Variants in BRINP1 observed in about 807,000 individuals in gnomAD.
BRINP1 encodes the protein BMP/retinoic acid-inducible neural-specific protein 1.
A neutral mutation model predicts 72.9 loss-of-function variants in BRINP1; 17 were observed. That is an observed-to-expected ratio of 0.23 (90% CI 0.16 to 0.35). The LOEUF (loss-of-function observed/expected upper bound fraction) is 0.35, where lower values mean the gene tolerates loss of function less well. Among genes scored for constraint, BRINP1 ranks in the 10% least tolerant of loss-of-function variants. The pLI, the probability that BRINP1 is intolerant of heterozygous loss-of-function variation, is 1.00. For synonymous variants in BRINP1, 418 were observed against 378.5 expected, an observed-to-expected ratio of 1.10 and a Z score of -1.21; for missense variants, 850 against 1,001.6, an observed-to-expected ratio of 0.85 and a Z score of 2.04.
At chr9:119,337,657 C>G (rs971268079) in intron 1 of BRINP1, among the ~76,000 whole-genome samples, 2 of 152,228 alleles carry the variant, frequency 1.3e-5, no homozygotes, top group Non-Finnish European at 2.9e-5. Flanking sequence ...AGAATTGAAC[C>G]TGTGACCACA....
chr9:119,337,015 A>G (rs978722061), intron 1 of BRINP1, among the ~76,000 whole-genome samples: 3 of 152,126 alleles, frequency 2.0e-5, no homozygotes, highest in Non-Finnish European at 4.4e-5. Flanking sequence ...CCTCTTCTCC[A>G]TCTCGATGGT....
chr9:119,176,482 T>A (rs578131178), intron 7 of BRINP1, among the ~76,000 whole-genome samples: 1 of 152,164 alleles, frequency 6.6e-6, no homozygotes, highest in Non-Finnish European at 1.5e-5. Context: ...GAGCCTAATG[T>A]TGAAAAGTAT....
intron 2 of BRINP1, among the ~76,000 whole-genome samples, chr9:119,308,820 T>C (rs1357047235): frequency 6.6e-6 from 1 of 152,160 alleles, no homozygotes; most frequent in African/African-American, 2.4e-5. Context: ...CCACTCAATA[T>C]GGAACCGCCT....
At chr9:119,176,497 G>A (rs1165241023) in intron 7 of BRINP1, among the ~76,000 whole-genome samples, 1 of 152,198 alleles carries the variant, frequency 6.6e-6, no homozygotes, top group South Asian at 2.1e-4. Flanking sequence ...AAGTATGGTT[G>A]TTGGCCCAAG....
intron 1 of BRINP1, among the ~76,000 whole-genome samples, chr9:119,333,822 A>G (rs1316963589): frequency 2.0e-5 from 3 of 152,206 alleles, no homozygotes; most frequent in Non-Finnish European, 4.4e-5. Flanking sequence ...AAGAAAAAAA[A>G]TATATATTGC....
chr9:119,289,997 T>C (rs571336315), intron 2 of BRINP1, among the ~76,000 whole-genome samples: 30 of 152,340 alleles, frequency 2.0e-4, no homozygotes, highest in South Asian at 1.2e-3. Context: ...GCAGTGATCC[T>C]TCAATAATTA....
intron 2 of BRINP1, among the ~76,000 whole-genome samples, chr9:119,280,248 T>TG (rs1830696219): frequency 6.6e-6 from 1 of 150,722 alleles, no homozygotes. Flanking sequence ...TTTTTTTTCT[T>TG]TTTTTTTTAA....
At chr9:119,221,033 C>G (rs1197870649) in intron 5 of BRINP1, among the ~76,000 whole-genome samples, 1 of 152,118 alleles carries the variant, frequency 6.6e-6, no homozygotes, top group Non-Finnish European at 1.5e-5. Flanking sequence ...TTGCTCTTTT[C>G]TGACCTATTT....
chr9:119,331,086 T>C (rs529218852), intron 1 of BRINP1, among the ~76,000 whole-genome samples: 32 of 152,308 alleles, frequency 2.1e-4, no homozygotes, highest in Non-Finnish European at 4.3e-4. Flanking sequence ...TGGAGTTCTA[T>C]TGCTTTCCCA....
chr9:119,292,087 G>C (rs1470515496), intron 2 of BRINP1, among the ~76,000 whole-genome samples: 1 of 152,208 alleles, frequency 6.6e-6, no homozygotes, highest in African/African-American at 2.4e-5. Context: ...CAGCATGTAA[G>C]AGCTAGAAAG....
intron 1 of BRINP1, among the ~76,000 whole-genome samples, chr9:119,322,807 AC>A (rs1417586634): frequency 6.6e-6 from 1 of 151,886 alleles, no homozygotes; most frequent in Non-Finnish European, 1.5e-5. Flanking sequence ...CATGTTATTA[AC>A]CCCCTCTGTG....
intron 5 of BRINP1, among the ~76,000 whole-genome samples, chr9:119,215,470 G>GGTAATGGTTCTACTACTCACTGT: frequency 6.6e-6 from 1 of 152,114 alleles, no homozygotes; most frequent in South Asian, 2.1e-4. Flanking sequence ...TCCAATATGA[G>GGTAATGGTTCTACTACTCACTGT]GTAATGGTTC....
intron 7 of BRINP1, among the ~76,000 whole-genome samples, chr9:119,183,555 G>C (rs1425032231): frequency 3.3e-5 from 5 of 152,156 alleles, no homozygotes; most frequent in Non-Finnish European, 7.3e-5. Flanking sequence ...GGTCATACGT[G>C]TGAATTCACT....
chr9:119,214,055 G>A lies in BRINP1; in HGVS notation c.786C>T (p.Asn262=). The stretch of plus-strand genomic sequence containing the variant: ...CGGCACATTGGCAGCGACACTGGCT[G>A]TTCTGGCACAGGTACTCCCCCTCCC... ...CNGEGEYLCQ[N]SQCRCQCAEE... The change falls in exon 6 of 8, where the codon AAC becomes AAT. Residue 262 remains asparagine, a synonymous_variant. Transcript: ENST00000265922. 1 of 1,614,156 alleles carries A rather than the reference G, an allele frequency of 6.2e-7. No individual in the cohort carries two copies. Among genetic ancestry groups the A allele is most frequent in the Non-Finnish European group, 8.5e-7 (1 of 1,180,024 alleles).
chr9:119,339,363 G>C (rs1831385413), intron 1 of BRINP1, among the ~76,000 whole-genome samples: 1 of 138,730 alleles, frequency 7.2e-6, no homozygotes, highest in African/African-American at 2.4e-5. Flanking sequence ...TCTCCCTACA[G>C]AACTTACAAC....
At chr9:119,190,456 AT>A (rs1829672250) in intron 7 of BRINP1, among the ~76,000 whole-genome samples, 1 of 151,774 alleles carries the variant, frequency 6.6e-6, no homozygotes, top group South Asian at 2.1e-4. Flanking sequence ...AAAATCAGAA[AT>A]GAAAGTGGAG....
intron 7 of BRINP1, among the ~76,000 whole-genome samples, chr9:119,169,784 G>C (rs963265587): frequency 6.6e-6 from 1 of 152,232 alleles, no homozygotes; most frequent in East Asian, 1.9e-4. Context: ...CTGGAGATCT[G>C]AGAACGGGCA....
chr9:119,361,073 T>C (rs1394760989), intron 1 of BRINP1, among the ~76,000 whole-genome samples: 1 of 152,170 alleles, frequency 6.6e-6, no homozygotes, highest in African/African-American at 2.4e-5. Flanking sequence ...TGATATATTT[T>C]GTGTCCTCAC....
intron 4 of BRINP1, among the ~76,000 whole-genome samples, chr9:119,241,299 G>A (rs1290751200): frequency 5.3e-5 from 8 of 152,194 alleles, no homozygotes. Context: ...CGGTGCTGGT[G>A]TAGGCGAGCC....
Sources: allele counts gnomAD v4.1 joint callset (sites outside exome capture counted in the v4.1 genomes callset), GRCh38; gene constraint gnomAD v4.1.1; transcripts MANE v1.5; gene names NCBI Gene and HGNC (gene_info 2026-07-23, HGNC 2026-07-21).